Variants in RNF17 observed in about 807,000 individuals in gnomAD.
RNF17 encodes the protein ring finger protein 17.
RNF17 carries 31 observed loss-of-function variants against 200.5 expected under a neutral mutation model. That is an observed-to-expected ratio of 0.15 (90% CI 0.12 to 0.21). The LOEUF is 0.21. RNF17 is among the 10% of genes least tolerant of loss of function. The pLI is 1.00. For synonymous variants in RNF17, 606 were observed against 637.8 expected (o/e 0.95, Z 0.75); for missense variants, 1,628 against 1,905.1 (o/e 0.85, Z 2.71).
At chr13:24,789,865 A>G (rs1883627804) in intron 9 of RNF17, 93 bp downstream of exon 9, 2 of 777,188 alleles carry the variant, frequency 2.6e-6, no homozygotes, top group Non-Finnish European at 4.3e-6. Flanking sequence ...GTGTAATTCA[A>G]AAGCTGAAAA....
chr13:24,793,890 C>G (rs992545038), intron 10 of RNF17, among the ~76,000 whole-genome samples: 1 of 152,136 alleles, frequency 6.6e-6, no homozygotes, highest in Non-Finnish European at 1.5e-5. Flanking sequence ...GACCATTTTT[C>G]AAGATCAGCT....
downstream of RNF17, chr13:24,883,370 C>G (rs1260082510): frequency 6.3e-7 from 1 of 1,586,040 alleles, no homozygotes; most frequent in Non-Finnish European, 8.6e-7. Context: ...GTTGCCATCA[C>G]TGTAAAATTT....
intron 15 of RNF17, among the ~76,000 whole-genome samples, chr13:24,807,219 G>C (rs964462554): frequency 6.6e-6 from 1 of 151,902 alleles, no homozygotes; most frequent in Non-Finnish European, 1.5e-5. Flanking sequence ...CTGAGGAATC[G>C]CCACACTGAC....
intron 32 of RNF17, among the ~76,000 whole-genome samples, chr13:24,872,117 C>T (rs1276053434): frequency 2.0e-5 from 3 of 151,608 alleles, no homozygotes; most frequent in Non-Finnish European, 2.9e-5. Context: ...TGCATCACCT[C>T]GCCTGTCTAA....
At position 24,779,843 on chromosome 13, in the gene RNF17, G is replaced by C. The variant is rs1882106385; in HGVS notation, c.510+96G>C. On this transcript the variant is annotated intron_variant, in intron 5 of 35. Coordinates refer to ENST00000255324, the MANE Select transcript of RNF17 (RefSeq NM_031277.3). ...ATGTTACCACTGAGGTTAGAGCTTAGCACTGAGTTATTAAGCATGATAATC... is the reference window on the plus strand; with the variant it reads ...ATGTTACCACTGAGGTTAGAGCTTACCACTGAGTTATTAAGCATGATAATC... 11 of 886,632 alleles carry C rather than the reference G, an allele frequency of 1.2e-5. No homozygotes were observed. The South Asian group carries it at 1.8e-4, about 15-fold the overall frequency. 54.9% of individuals were successfully genotyped at this position (886,632 alleles called of 1,614,324 possible). A position where few individuals can be genotyped will look rare whatever the true frequency, so the allele number is the denominator to read the frequency against.
chr13:24,847,892 G>A (rs562197688), intron 22 of RNF17, among the ~76,000 whole-genome samples: 61 of 152,244 alleles, frequency 4.0e-4, no homozygotes, highest in Middle Eastern at 3.4e-3. Flanking sequence ...ACATTAAATA[G>A]TTCAATCAGA....
chr13:24,821,117 A>G (rs966504036), intron 15 of RNF17, among the ~76,000 whole-genome samples: 8 of 151,984 alleles, frequency 5.3e-5, no homozygotes, highest in Admixed American at 5.2e-4. Context: ...TCTTTTGTGC[A>G]CCTTTGCCTT....
chr13:24,833,180 G>A (rs1329123480), intron 18 of RNF17, among the ~76,000 whole-genome samples: 1 of 152,154 alleles, frequency 6.6e-6, no homozygotes, highest in Non-Finnish European at 1.5e-5. Context: ...GGACTTTCAG[G>A]GGTAGTTTTT....
chr13:24,798,147 A>G (rs942863498), intron 11 of RNF17, among the ~76,000 whole-genome samples: 1 of 152,156 alleles, frequency 6.6e-6, no homozygotes, highest in Non-Finnish European at 1.5e-5. Flanking sequence ...CACTTGTTTC[A>G]GTATTTAATA....
intron 24 of RNF17, among the ~76,000 whole-genome samples, chr13:24,853,209 C>T (rs762912645): frequency 2.0e-5 from 3 of 152,096 alleles, no homozygotes; most frequent in African/African-American, 4.8e-5. Flanking sequence ...CCACCATGCC[C>T]GGCCCTTATT....
chr13:24,846,123 T>G (rs1346425377), intron 22 of RNF17, among the ~76,000 whole-genome samples: 2 of 152,216 alleles, frequency 1.3e-5, no homozygotes, highest in Non-Finnish European at 2.9e-5. Context: ...CTGCCAAATT[T>G]GTTCTAATTG....
At chr13:24,850,250 A>G in intron 22 of RNF17, 91 bp from the exon 23 acceptor site, 1 of 705,114 alleles carries the variant, frequency 1.4e-6, no homozygotes, top group Admixed American at 2.4e-5. Context: ...TCAAACTATG[A>G]GTGTATCTGT....
intron 6 of RNF17, among the ~76,000 whole-genome samples, chr13:24,785,614 G>A (rs768764662): frequency 3.9e-5 from 6 of 152,132 alleles, no homozygotes; most frequent in Admixed American, 6.5e-5. Context: ...GGTCCAATCA[G>A]TCTATAGTGT....
chr13:24,790,059 A>G (rs1883654529), intron 9 of RNF17, among the ~76,000 whole-genome samples: 1 of 152,114 alleles, frequency 6.6e-6, no homozygotes, highest in African/African-American at 2.4e-5. Flanking sequence ...GAGAAATTAC[A>G]ATAAGTAGAG....
intron 2 of RNF17, among the ~76,000 whole-genome samples, chr13:24,774,486 G>A (rs1593219553): frequency 6.6e-6 from 1 of 152,198 alleles, no homozygotes; most frequent in Non-Finnish European, 1.5e-5. Flanking sequence ...CTAGGATTAC[G>A]GGCGTGAGCC....
At chr13:24,805,005 C>T (rs1037236658) in intron 15 of RNF17, among the ~76,000 whole-genome samples, 1 of 152,068 alleles carries the variant, frequency 6.6e-6, no homozygotes, top group African/African-American at 2.4e-5. Context: ...AATGTGGAGA[C>T]CCTAACCACA....
At position 24,829,994 on chromosome 13, in the gene RNF17, CTT is replaced by C. The variant is rs145599400; in HGVS notation, c.2246-486_2246-485del. Among the ~76,000 whole-genome samples, 933 of 152,200 alleles carry C rather than the reference CTT, an allele frequency of 6.1e-3. 4 individuals are homozygous for C. The highest frequency in any genetic ancestry group is 9.4e-3 in the Non-Finnish European group (641 of 67,982). ...TTAAGTGCTTACTTTGTACCTTGTG[CTT>C]TTTAAATAGGCGAATCCTCCAAAAA... On this transcript the variant is annotated intron_variant, in intron 16 of 35. Coordinates refer to ENST00000255324, the MANE Select transcript of RNF17 (RefSeq NM_031277.3).
chr13:24,793,567 A>G (rs1884157835), intron 10 of RNF17, among the ~76,000 whole-genome samples: 1 of 152,220 alleles, frequency 6.6e-6, no homozygotes. Flanking sequence ...CCTCTGAGGT[A>G]TAAATTAATA....
In RNF17 at chr13:24,854,046, G is replaced by T. The variant is rs751265958; in HGVS notation, c.3512G>T (p.Gly1171Val). The T allele has an allele frequency of 5.6e-6, 9 of 1,613,770 alleles. No homozygotes were observed. Among genetic ancestry groups the T allele is most frequent in the Admixed American group, 1.7e-5 (1 of 59,996 alleles). Residue 1171 changes from glycine to valine, a missense_variant, in exon 25 of 36, where the codon GGG (glycine) becomes GTG (valine). Coordinates refer to ENST00000255324, the MANE Select transcript of RNF17 (RefSeq NM_031277.3). The stretch of plus-strand genomic sequence containing the variant: ...ATTCTAGAACCAAGAACCACTAGAG[G>T]GTATAAGCCACCAGCTATTCCTAAC... Reference protein sequence around the residue: ...EKILEPRTTRGYKPPAIPNMN... With the variant: ...EKILEPRTTRVYKPPAIPNMN...
Sources: allele counts gnomAD v4.1 joint callset (sites outside exome capture counted in the v4.1 genomes callset), GRCh38; gene constraint gnomAD v4.1.1; transcripts MANE v1.5; gene names NCBI Gene and HGNC (gene_info 2026-07-23, HGNC 2026-07-21).